EHBP1: variants seen among roughly 807,000 people sequenced by gnomAD.
The protein encoded by EHBP1 is EH domain-binding protein 1.
A neutral mutation model predicts 144.0 loss-of-function variants in EHBP1; 55 were observed. The ratio of observed to expected loss-of-function variants is 0.38; its 90% CI spans 0.31 to 0.48. The LOEUF is 0.48. Among genes scored for constraint, EHBP1 ranks in the 20% least tolerant of loss-of-function variants. The pLI is 0.98. For missense variants in EHBP1, 1,200 were observed against 1,364.2 expected (o/e 0.88, Z 1.90); for synonymous variants, 469 against 472.7 (o/e 0.99, Z 0.10).
intron 8 of EHBP1, among the ~76,000 whole-genome samples, chr2:62,863,281 T>TCACACA (rs143162421): frequency 4.1e-5 from 6 of 145,478 alleles, no homozygotes; most frequent in South Asian, 2.2e-4. Context: ...TGAGACTCCG[T>TCACACA]CACACACACA....
chr2:62,678,878 AT>A (rs1434926201), intron 1 of EHBP1, among the ~76,000 whole-genome samples: 2 of 152,004 alleles, frequency 1.3e-5, no homozygotes, highest in African/African-American at 4.8e-5. Context: ...CTTACTCAGA[AT>A]TTTTTCATAT....
At chr2:62,981,631 G>T (rs1056948287) in intron 15 of EHBP1, among the ~76,000 whole-genome samples, 4 of 152,180 alleles carry the variant, frequency 2.6e-5, no homozygotes, top group African/African-American at 7.2e-5. Context: ...ACTAGACTAG[G>T]CAAGGAGACT....
intron 13 of EHBP1, among the ~76,000 whole-genome samples, chr2:62,952,572 T>C (rs1393681502): frequency 1.3e-5 from 2 of 152,204 alleles, no homozygotes; most frequent in African/African-American, 2.4e-5. Context: ...GCCTAATACA[T>C]GTGATGACAG....
intron 19 of EHBP1, among the ~76,000 whole-genome samples, chr2:63,027,539 A>T (rs953850828): frequency 2.0e-5 from 3 of 152,088 alleles, no homozygotes; most frequent in Non-Finnish European, 4.4e-5. Flanking sequence ...TTCAAGTTAG[A>T]AAGCTGCTGG....
chr2:62,964,468 C>T (rs1407533194), intron 14 of EHBP1, among the ~76,000 whole-genome samples: 1 of 152,146 alleles, frequency 6.6e-6, no homozygotes, highest in Non-Finnish European at 1.5e-5. Context: ...AATCTTTATT[C>T]ATTTCATTTT....
intron 1 of EHBP1, among the ~76,000 whole-genome samples, chr2:62,674,626 A>G (rs1323267601): frequency 3.9e-5 from 6 of 152,208 alleles, no homozygotes; most frequent in Non-Finnish European, 7.3e-5. Flanking sequence ...ATAAAACTTT[A>G]AACCAAATGT....
At chr2:62,754,402 A>T (rs546034467) in intron 3 of EHBP1, among the ~76,000 whole-genome samples, 2 of 152,130 alleles carry the variant, frequency 1.3e-5, no homozygotes, top group Non-Finnish European at 2.9e-5. Flanking sequence ...GTCTGCCTCT[A>T]CTGGGGGGTG....
chr2:63,012,494 A>C (rs1373633096), intron 19 of EHBP1, among the ~76,000 whole-genome samples: 3 of 152,164 alleles, frequency 2.0e-5, no homozygotes. Flanking sequence ...AAAAAATACT[A>C]ATCTTCAGTT....
chr2:62,944,361 A>T (rs1375052834), intron 12 of EHBP1, among the ~76,000 whole-genome samples: 1 of 152,224 alleles, frequency 6.6e-6, no homozygotes, highest in African/African-American at 2.4e-5. Flanking sequence ...ATGGTGATGT[A>T]CCGTAAGATT....
At chr2:62,885,716 T>A (rs1275398642) in intron 10 of EHBP1, among the ~76,000 whole-genome samples, 6 of 152,160 alleles carry the variant, frequency 3.9e-5, no homozygotes, top group South Asian at 4.2e-4. Context: ...AATAAAAAAT[T>A]AAAATAAATT....
chr2:62,825,550 A>T (rs1573548346), intron 5 of EHBP1, among the ~76,000 whole-genome samples: 1 of 152,096 alleles, frequency 6.6e-6, no homozygotes, highest in East Asian at 1.9e-4. Flanking sequence ...AATAAAAAAA[A>T]GGCCTGGGGA....
intron 5 of EHBP1, 35 bp from the exon 6 acceptor site, chr2:62,826,052 A>T (rs1480026049): frequency 7.1e-7 from 1 of 1,416,550 alleles, no homozygotes; most frequent in Non-Finnish European, 9.3e-7. Flanking sequence ...AAAATAACTC[A>T]AAATTACATA....
At chr2:62,698,657 C>T (rs1206530045) in intron 1 of EHBP1, among the ~76,000 whole-genome samples, 2 of 152,192 alleles carry the variant, frequency 1.3e-5, no homozygotes, top group Non-Finnish European at 2.9e-5. Flanking sequence ...CAGCGGCTCT[C>T]ACAAAGTCAT....
intron 10 of EHBP1, among the ~76,000 whole-genome samples, chr2:62,906,743 T>A (rs2053841782): frequency 6.6e-6 from 1 of 152,190 alleles, no homozygotes; most frequent in Non-Finnish European, 1.5e-5. Flanking sequence ...ACAAAACATT[T>A]CTTTCACCAC....
At chr2:62,711,798 G>T (rs984641037) in intron 2 of EHBP1, among the ~76,000 whole-genome samples, 2 of 152,180 alleles carry the variant, frequency 1.3e-5, no homozygotes, top group Admixed American at 6.5e-5. Context: ...ATTTGGCTGT[G>T]TCAAATACTG....
chr2:62,758,564 A>C (rs559903049), intron 3 of EHBP1, among the ~76,000 whole-genome samples: 8 of 152,320 alleles, frequency 5.3e-5, no homozygotes, highest in Non-Finnish European at 8.8e-5. Context: ...GTTTCAGTAC[A>C]ATATGTGACA....
At chr2:63,011,003 G>A (rs748829438) in intron 19 of EHBP1, among the ~76,000 whole-genome samples, 2 of 151,494 alleles carry the variant, frequency 1.3e-5, no homozygotes, top group Non-Finnish European at 3.0e-5. Flanking sequence ...TGAAAACTGA[G>A]GCCAACAAAT....
Position 62,993,673 on chromosome 2 carries a change from A to G in EHBP1, c.2872+5A>G, listed in dbSNP as rs1020808137. 3.2e-6 allele frequency: 5 copies of G among 1,550,872 alleles called. No homozygotes were observed. The African/African-American group carries it at 6.8e-5, about 21-fold the overall frequency. ...AATATATTGAGAATAGACCAGGTAGAACACTTTTTAAAATGTTTTTCCATG... is the reference window on the plus strand; with the variant it reads ...AATATATTGAGAATAGACCAGGTAGGACACTTTTTAAAATGTTTTTCCATG... On this transcript the variant is annotated splice_donor_5th_base_variant and intron_variant, in intron 17 of 22. Coordinates refer to ENST00000431489, the MANE Select transcript of EHBP1 (RefSeq NM_001142616.3).
intron 14 of EHBP1, among the ~76,000 whole-genome samples, chr2:62,959,732 A>G (rs2153127502): frequency 6.6e-6 from 1 of 152,196 alleles, no homozygotes; most frequent in East Asian, 1.9e-4. Context: ...TCGGGTTAAC[A>G]GTTTGTTTTG....
Sources: gnomAD v4.1 joint callset for allele counts (sites outside exome capture counted in the v4.1 genomes callset) on GRCh38, gnomAD v4.1.1 for gene constraint, MANE v1.5 for transcripts, NCBI Gene and HGNC (gene_info 2026-07-23, HGNC 2026-07-21) for gene names.